The following LRMDA variants were observed in gnomAD, a reference collection of about 807,000 sequenced individuals.
The protein encoded by LRMDA is leucine-rich melanocyte differentiation-associated protein.
Under a neutral mutation model 29.8 loss-of-function variants are expected in LRMDA, and 18 were observed. The observed-to-expected ratio is 0.60, with a 90% CI of 0.42 to 0.90. LRMDA has a LOEUF of 0.90. Ranked by LOEUF, LRMDA falls within the 40% of genes least tolerant of loss-of-function variation. The pLI is 0.00. For synonymous variants in LRMDA, 125 were observed against 109.4 expected (o/e 1.14, Z -0.89); for missense variants, 273 against 273.9 (o/e 1.00, Z 0.02).
At chr10:76,226,626 G>A (rs932437406) in intron 5 of LRMDA, among the ~76,000 whole-genome samples, 2 of 152,104 alleles carry the variant, frequency 1.3e-5, no homozygotes, top group African/African-American at 4.8e-5. Context: ...ATCAGATCTT[G>A]TGATAAATCA....
At chr10:75,473,235 G>A (rs1844746512) in intron 2 of LRMDA, among the ~76,000 whole-genome samples, 1 of 152,236 alleles carries the variant, frequency 6.6e-6, no homozygotes, top group Non-Finnish European at 1.5e-5. Flanking sequence ...GTATACCAAA[G>A]TGGGGGGAAA....
intron 2 of LRMDA, among the ~76,000 whole-genome samples, chr10:75,495,896 C>CA (rs1845039656): frequency 6.6e-6 from 1 of 152,176 alleles, no homozygotes; most frequent in South Asian, 2.1e-4. Context: ...TTCCACTGAG[C>CA]AAAAAGGTGC....
intron 2 of LRMDA, among the ~76,000 whole-genome samples, chr10:75,993,594 G>A (rs7902428): frequency 4.6e-5 from 7 of 151,970 alleles, no homozygotes; most frequent in African/African-American, 1.4e-4. Context: ...TTAGCCAGGC[G>A]TGATGGTGGG....
At chr10:76,438,991 G>A (rs10509377) in intron 6 of LRMDA, among the ~76,000 whole-genome samples, 3,416 of 152,240 alleles carry the variant, frequency 0.022, 148 homozygotes, top group Admixed American at 0.11. Context: ...TTGAGCCTAA[G>A]TGAACTATGA....
intron 2 of LRMDA, among the ~76,000 whole-genome samples, chr10:76,025,725 G>T (rs1848052099): frequency 6.6e-6 from 1 of 152,156 alleles, no homozygotes. Flanking sequence ...GTGGAATAAG[G>T]TATCAGCAGA....
chr10:76,260,235 G>A (rs1169443916), intron 5 of LRMDA, among the ~76,000 whole-genome samples: 1 of 151,824 alleles, frequency 6.6e-6, no homozygotes, highest in Non-Finnish European at 1.5e-5. Flanking sequence ...TTTGTGTATT[G>A]CCTTGCTTCT....
chr10:76,044,248 C>A (rs561751265), intron 3 of LRMDA, among the ~76,000 whole-genome samples: 1 of 152,124 alleles, frequency 6.6e-6, no homozygotes, highest in African/African-American at 2.4e-5. Flanking sequence ...AGAAACCAAG[C>A]CTGGGACTGA....
At chr10:75,759,857 C>T (rs1445494054) in intron 2 of LRMDA, among the ~76,000 whole-genome samples, 1 of 152,080 alleles carries the variant, frequency 6.6e-6, no homozygotes, top group African/African-American at 2.4e-5. Flanking sequence ...GGAAATATTA[C>T]CCTATAATAT....
At chr10:76,336,224 C>A (rs1254360961) in intron 6 of LRMDA, among the ~76,000 whole-genome samples, 1 of 132,216 alleles carries the variant, frequency 7.6e-6, no homozygotes, top group Non-Finnish European at 1.5e-5. Context: ...GGATGTAATC[C>A]TGGGTTCTCT....
At chr10:76,148,098 G>T (rs1374527146) in intron 5 of LRMDA, among the ~76,000 whole-genome samples, 1 of 152,176 alleles carries the variant, frequency 6.6e-6, no homozygotes, top group East Asian at 1.9e-4. Context: ...TGCCCCTACT[G>T]GGGGGTGCCT....
intron 5 of LRMDA, among the ~76,000 whole-genome samples, chr10:76,300,414 T>TA: frequency 6.6e-6 from 1 of 152,210 alleles, no homozygotes; most frequent in Admixed American, 6.5e-5. Context: ...TTGATCATGG[T>TA]AGGAAAGCAG....
At chr10:76,536,664 A>T (rs991945993) in intron 6 of LRMDA, among the ~76,000 whole-genome samples, 9 of 152,064 alleles carry the variant, frequency 5.9e-5, no homozygotes, top group African/African-American at 1.7e-4. Flanking sequence ...AGCATAGGTG[A>T]TATTGGCATA....
intron 2 of LRMDA, among the ~76,000 whole-genome samples, chr10:75,544,468 C>T (rs1840053954): frequency 6.6e-6 from 1 of 152,100 alleles, no homozygotes; most frequent in Non-Finnish European, 1.5e-5. Context: ...TGGAAAAAAC[C>T]TTCAGAATTC....
intron 3 of LRMDA, among the ~76,000 whole-genome samples, chr10:76,040,612 C>T (rs571884911): frequency 1.3e-5 from 2 of 152,278 alleles, no homozygotes; most frequent in South Asian, 2.1e-4. Flanking sequence ...AGCATGCACA[C>T]GCCATCCCCA....
chr10:76,460,814 G>T (rs1842504457), intron 6 of LRMDA, among the ~76,000 whole-genome samples: 1 of 152,142 alleles, frequency 6.6e-6, no homozygotes, highest in Non-Finnish European at 1.5e-5. Context: ...ATGCATTGCA[G>T]AGCTACTTTC....
Position 76,399,819 on chromosome 10 carries a change from G to A in LRMDA, c.601+75334G>A, listed in dbSNP as rs371609157. Among the ~76,000 whole-genome samples, 66 of 152,244 alleles carry A rather than the reference G, an allele frequency of 4.3e-4. 1 individual carries two copies. In the South Asian group the frequency reaches 4.4e-3, roughly 10 times the overall value. On this transcript the variant is annotated intron_variant, in intron 6 of 6. Transcript: ENST00000611255. ...TGAATTATACCACTTGAAAATATCT[G>A]TTCTTCCTAAAGTTAGTGCTTTTTC...
chr10:75,986,810 C>G (rs1480142310), intron 2 of LRMDA, among the ~76,000 whole-genome samples: 1 of 152,228 alleles, frequency 6.6e-6, no homozygotes, highest in African/African-American at 2.4e-5. Context: ...TGTCTTTTGC[C>G]TCTTTGGGTT....
chr10:76,056,793 G>A (rs1848622838), intron 4 of LRMDA, among the ~76,000 whole-genome samples: 1 of 152,194 alleles, frequency 6.6e-6, no homozygotes, highest in Admixed American at 6.5e-5. Flanking sequence ...GCCCCCAAGA[G>A]CACAGGGATG....
intron 2 of LRMDA, among the ~76,000 whole-genome samples, chr10:75,897,213 T>C (rs1022986280): frequency 3.3e-5 from 5 of 152,240 alleles, no homozygotes; most frequent in Admixed American, 2.6e-4. Flanking sequence ...GAATGGGTAA[T>C]GGCTCTCCAA....
Sources: allele counts gnomAD v4.1 joint callset (sites outside exome capture counted in the v4.1 genomes callset), GRCh38; gene constraint gnomAD v4.1.1; transcripts MANE v1.5; gene names NCBI Gene and HGNC (gene_info 2026-07-23, HGNC 2026-07-21).